The following SERPINA1 variants were observed in gnomAD, a reference collection of about 807,000 sequenced individuals.
SERPINA1 encodes the protein serpin family A member 1, also known as alpha-1-antitrypsin.
In SERPINA1, 21 loss-of-function variants were observed where a neutral mutation model predicts 25.4. That is an observed-to-expected ratio of 0.83 (90% CI 0.59 to 1.19). The LOEUF (loss-of-function observed/expected upper bound fraction) is 1.19. Among genes scored for constraint, SERPINA1 ranks in the 50% most tolerant of loss-of-function variants. The pLI is 0.00. For missense variants in SERPINA1, 546 were observed against 509.0 expected (o/e 1.07, Z -0.70); for synonymous variants, 218 against 211.1 (o/e 1.03, Z -0.29).
rs147191682 is a variant in SERPINA1, at chr14:94,386,523, C to T, written c.-5+2037G>A. 1.5e-3 allele frequency among the ~76,000 whole-genome samples: 231 copies of T among 152,326 alleles called. 3 individuals are homozygous for T. The East Asian group carries it at 0.019, about 12-fold the overall frequency. ...GTAAATGACTTCACTTCTTTGAGCA[C>T]TAGCTTCATAGCTGTACAATGGAGA... is the stretch of plus-strand genomic sequence containing the variant. On this transcript the variant is annotated intron_variant, in intron 1 of 4. Coordinates refer to ENST00000393087, the MANE Select transcript of SERPINA1 (RefSeq NM_000295.5).
chr14:94,382,809 G>C lies in SERPINA1; in HGVS notation c.429C>G (p.Phe143Leu), dbSNP rs752979989. 7 of 1,614,240 alleles carry C rather than the reference G, an allele frequency of 4.3e-6. No homozygotes were observed. The Admixed American group carries it at 1.2e-4, about 27-fold the overall frequency. ...CCACTAGCTTCAGGCCCTCGCTGAG[G>C]AACAGGCCATTGCCGGTGGTCAGCT... Reference protein sequence around the residue: ...QLQLTTGNGLFLSEGLKLVDK... With the variant: ...QLQLTTGNGLLLSEGLKLVDK... The change falls in exon 2 of 5, where the codon TTC becomes TTG. Residue 143 changes from phenylalanine to leucine, a missense_variant. Coordinates refer to ENST00000393087, the MANE Select transcript of SERPINA1 (RefSeq NM_000295.5).
chr14:94,381,908 A>G (rs112029681), intron 2 of SERPINA1, among the ~76,000 whole-genome samples: 30 of 152,168 alleles, frequency 2.0e-4, no homozygotes, highest in African/African-American at 7.0e-4. Context: ...CCCCTCCCCT[A>G]TGCTGTTTTC....
At chr14:94,389,075 C>A (rs968132552), upstream of SERPINA1, 2 of 152,212 alleles carry the variant, frequency 1.3e-5, no homozygotes, top group Non-Finnish European at 2.9e-5. Flanking sequence ...AGCGGAGAGA[C>A]CGCTCATCCA....
At chr14:94,380,696 C>T in intron 3 of SERPINA1, 175 bp downstream of exon 3, 3 of 776,344 alleles carry the variant, frequency 3.9e-6, no homozygotes, top group South Asian at 1.5e-5. Context: ...ATGGATGGCG[C>T]TGCCTGAACT....
chr14:94,382,902 C>T lies in SERPINA1; in HGVS notation c.336G>A (p.Pro112=), dbSNP rs753313462. 85 of 1,613,378 alleles carry T rather than the reference C, an allele frequency of 5.3e-5. No homozygotes were observed. Among genetic ancestry groups the T allele is most frequent in the Admixed American group, 1.3e-4 (8 of 59,968 alleles). ...EGLNFNLTEI[P]EAQIHEGFQE... ...GGAAGCCTTCATGGATCTGAGCCTCCGGAATCTCCGTGAGGTTGAAATTCA... is the reference window on the plus strand; with the variant it reads ...GGAAGCCTTCATGGATCTGAGCCTCTGGAATCTCCGTGAGGTTGAAATTCA... The change falls in exon 2 of 5, where the codon CCG becomes CCA. Residue 112 remains proline, a synonymous_variant. Transcript: ENST00000393087.
rs543126303 is a variant in SERPINA1 at position 94,379,327 on chromosome 14, G to A, written c.1065+137C>T. The A allele has an allele frequency of 5.6e-5, 72 of 1,282,680 alleles. No homozygotes were observed. In the African/African-American group the frequency reaches 7.8e-4, roughly 14 times the overall value. The allele number at this position is 1,282,680 out of a possible 1,614,324, so 79.5% of individuals were successfully genotyped here. Reference sequence around the variant, plus strand: ...ACCACGTCCCGTGTCAGTGAATCACGGGCATCTTCAGGAGCTCAGCCTGGG... The same window carrying A: ...ACCACGTCCCGTGTCAGTGAATCACAGGCATCTTCAGGAGCTCAGCCTGGG... On this transcript the variant is annotated intron_variant, in intron 4 of 4. Transcript: ENST00000393087.
Position 94,383,026 on chromosome 14 carries a change from C to T in SERPINA1, c.212G>A (p.Ser71Asn). The change falls in exon 2 of 5, where the codon AGC becomes AAC. Residue 71 changes from serine (S) to asparagine (N), a missense_variant. Ser to Asn is a conservative substitution (Grantham distance 46, BLOSUM62 1). Transcript: ENST00000393087. ...LYRQLAHQSN[S>N]TNIFFSPVSI... ...CACTGGGGAGAAGAAGATATTGGTGCTGTTGGACTGGTGTGCCAGCTGGCG... is the reference window on the plus strand; with the variant it reads ...CACTGGGGAGAAGAAGATATTGGTGTTGTTGGACTGGTGTGCCAGCTGGCG... 1 of 1,612,138 alleles carries T rather than the reference C, an allele frequency of 6.2e-7. No individual in the cohort carries two copies. The highest frequency in any genetic ancestry group is 2.2e-5 in the East Asian group (1 of 44,826).
Position 94,383,025 on chromosome 14 carries a change from G to C in SERPINA1, c.213C>G (p.Ser71Arg), listed in dbSNP as rs1393875655. Residue 71 changes from serine (S) to arginine (R), a missense_variant, in exon 2 of 5, where the codon AGC (serine) becomes AGG (arginine). Transcript: ENST00000393087. ...LYRQLAHQSN[S>R]TNIFFSPVSI... ...TCACTGGGGAGAAGAAGATATTGGT[G>C]CTGTTGGACTGGTGTGCCAGCTGGC... is the stretch of plus-strand genomic sequence containing the variant. 1.2e-6 allele frequency: 2 copies of C among 1,611,998 alleles called. No homozygotes were observed. Among genetic ancestry groups the C allele is most frequent in the African/African-American group, 2.7e-5 (2 of 74,908 alleles).
rs758293405 is a variant in SERPINA1 at position 94,383,104 on chromosome 14, G to A, written c.134C>T (p.Pro45Leu). The A allele has an allele frequency of 9.3e-6, 15 of 1,614,242 alleles. No homozygotes were observed. The South Asian group carries it at 1.2e-4, about 13-fold the overall frequency. ...GTTGGGGGTGATCTTGTTGAAGGTT[G>A]GGTGATCCTGATCATGGTGGGATGT... ...TDTSHHDQDH[P>L]TFNKITPNLA... The change falls in exon 2 of 5, where the codon CCA (proline) becomes CTA (leucine). Residue 45 changes from proline to leucine, a missense_variant. Physicochemically the swap from Pro to Leu is moderately conservative, Grantham distance 98. Coordinates refer to ENST00000393087, the MANE Select transcript of SERPINA1 (RefSeq NM_000295.5).
At chr14:94,383,433 C>A in intron 1 of SERPINA1, 192 bp from the exon 2 acceptor site, 4 of 617,104 alleles carry the variant, frequency 6.5e-6, no homozygotes, top group South Asian at 5.8e-5. Context: ...ATATGCCAAG[C>A]ACTGTTCTCC....
At chr14:94,380,804 G>A in intron 3 of SERPINA1, 67 bp downstream of exon 3, 1 of 1,601,946 alleles carries the variant, frequency 6.2e-7, no homozygotes, top group South Asian at 1.1e-5. Context: ...AGTCCTGATG[G>A]GCCTCAGTCC....
Position 94,382,899 on chromosome 14 carries a change from C to A in SERPINA1, c.339G>T (p.Glu113Asp), listed in dbSNP as rs1566757595. 2 of 1,613,364 alleles carry A rather than the reference C, an allele frequency of 1.2e-6. No homozygotes were observed. Among genetic ancestry groups the A allele is most frequent in the African/African-American group, 2.7e-5 (2 of 74,880 alleles). Residue 113 changes from glutamate to aspartate, a missense_variant, in exon 2 of 5, where the codon GAG (glutamate) becomes GAT (aspartate). Transcript: ENST00000393087. Reference sequence around the variant, plus strand: ...CCTGGAAGCCTTCATGGATCTGAGCCTCCGGAATCTCCGTGAGGTTGAAAT... The same window carrying A: ...CCTGGAAGCCTTCATGGATCTGAGCATCCGGAATCTCCGTGAGGTTGAAAT... ...GLNFNLTEIP[E>D]AQIHEGFQEL...
At position 94,383,069 on chromosome 14, in the gene SERPINA1, A is replaced by G. The variant is rs1457464431; in HGVS notation, c.169T>C (p.Phe57Leu). The change falls in exon 2 of 5, where the codon TTC (phenylalanine) becomes CTC (leucine). Residue 57 changes from phenylalanine (F) to leucine (L), a missense_variant. By Grantham distance (22) the Phe-to-Leu change is conservative. Transcript: ENST00000393087. ...FNKITPNLAEFAFSLYRQLAH... is the reference protein window; with the variant it reads ...FNKITPNLAELAFSLYRQLAH... ...AGCTGGCGGTATAGGCTGAAGGCGA[A>G]CTCAGCCAGGTTGGGGGTGATCTTG... 3.7e-6 allele frequency: 6 copies of G among 1,614,130 alleles called. No homozygotes were observed. The highest frequency in any genetic ancestry group is 3.3e-4 in the Middle Eastern group (2 of 6,062).
Position 94,378,406 on chromosome 14 carries a change from G to A in SERPINA1, c.*43C>T, listed in dbSNP as rs747969292. 9.8e-6 allele frequency: 15 copies of A among 1,530,262 alleles called. No individual in the cohort carries two copies. Among genetic ancestry groups the A allele is most frequent in the African/African-American group, 9.5e-5 (7 of 73,376 alleles). 94.8% of individuals were successfully genotyped at this position (1,530,262 alleles called of 1,614,324 possible). A position where few individuals can be genotyped will look rare whatever the true frequency, so the allele number is the denominator to read the frequency against. On this transcript the variant is annotated 3_prime_UTR_variant, in exon 5 of 5. Transcript: ENST00000393087. ...ACCCTTCTTTAATGTCATCCAGGGAGGGGGCCAGGGATGGAGGGGAGGGGT... is the reference window on the plus strand; with the variant it reads ...ACCCTTCTTTAATGTCATCCAGGGAAGGGGCCAGGGATGGAGGGGAGGGGT...
chr14:94,386,200 C>T (rs1897276492), intron 1 of SERPINA1, among the ~76,000 whole-genome samples: 1 of 152,164 alleles, frequency 6.6e-6, no homozygotes, highest in Non-Finnish European at 1.5e-5. Context: ...GGCCAAGTAC[C>T]CCATGGTGTA....
rs200634040 is a variant in SERPINA1 at position 94,381,071 on chromosome 14, G to A, written c.717C>T (p.Thr239=). 35 of 1,613,958 alleles carry A rather than the reference G, an allele frequency of 2.2e-5. No homozygotes were observed. The highest frequency in any genetic ancestry group is 6.7e-5 in the East Asian group (3 of 44,862). Residue 239 remains threonine (T), a synonymous_variant, in exon 3 of 5, where the codon ACC becomes ACT. Transcript: ENST00000393087. ...EEDFHVDQVT[T]VKVPMMKRLG... ...AACGCTTCATCATAGGCACCTTCAC[G>A]GTGGTCACCTGGTCCACGTGGAAGT...
At chr14:94,383,969 C>T (rs17090730) in intron 1 of SERPINA1, 29,409 of 152,272 alleles carry the variant, frequency 0.19, 3,169 homozygotes, top group South Asian at 0.29. Flanking sequence ...AGAGACGGGG[C>T]TGTCCCCACA....
chr14:94,381,467 T>G lies in SERPINA1; in HGVS notation c.647-326A>C, dbSNP rs184919946. ...TTGAGGGTGTCTTGGATATTACAAA[T>G]AAAATGTTGGAGCATCAGGCATATT... On this transcript the variant is annotated intron_variant, in intron 2 of 4. Transcript: ENST00000393087. 3.0e-4 allele frequency among the ~76,000 whole-genome samples: 45 copies of G among 152,324 alleles called. No individual in the cohort carries two copies. In the Middle Eastern group the frequency reaches 0.017, roughly 58 times the overall value.
At chr14:94,380,776 C>T in intron 3 of SERPINA1, 95 bp downstream of exon 3, 1 of 1,529,338 alleles carries the variant, frequency 6.5e-7, no homozygotes, top group Non-Finnish European at 9.1e-7. Context: ...GGGGTTCACC[C>T]TCCTCAGCCC....
Sources: allele counts gnomAD v4.1 joint callset (sites outside exome capture counted in the v4.1 genomes callset), GRCh38; gene constraint gnomAD v4.1.1; transcripts MANE v1.5; gene names NCBI Gene and HGNC (gene_info 2026-07-23, HGNC 2026-07-21).